DTNA: variants seen among roughly 807,000 people sequenced by gnomAD.
The protein encoded by DTNA is dystrobrevin alpha, also known as dystrophin-related protein 3.
DTNA carries 43 observed loss-of-function variants against 100.7 expected under a neutral mutation model. The observed-to-expected ratio is 0.43, with a 90% CI of 0.33 to 0.55. The LOEUF is 0.55. DTNA is among the 20% of genes least tolerant of loss of function. The probability of loss-of-function intolerance (pLI) is 0.04; values close to 1 mark genes in which losing one functional copy is unlikely to be tolerated. For synonymous variants in DTNA, 349 were observed against 347.9 expected, an observed-to-expected ratio of 1.00 and a Z score of -0.04; for missense variants, 798 against 953.9, an observed-to-expected ratio of 0.84 and a Z score of 2.15.
At chr18:34,866,745 C>A in intron 17 of DTNA, 3 of 989,702 alleles carry the variant, frequency 3.0e-6, no homozygotes, top group Non-Finnish European at 3.6e-6. Context: ...CACGTCCCAT[C>A]TTTTTGGCTC....
At chr18:34,827,269 A>G (rs1205517791) in intron 9 of DTNA, among the ~76,000 whole-genome samples, 2 of 139,998 alleles carry the variant, frequency 1.4e-5, no homozygotes, top group African/African-American at 5.5e-5. Context: ...AGGCAGTAGA[A>G]GTAAAGCCAC....
chr18:34,858,452 A>G lies in DTNA; in HGVS notation c.1646+54A>G, dbSNP rs925410210. ...GGAATATATATGTGTCAGATCTTTG[A>G]GAAAGTCTAGCAGTGTCTAGCCAGA... On this transcript the variant is annotated intron_variant, in intron 16 of 22. Coordinates refer to ENST00000444659, the MANE Select transcript of DTNA (RefSeq NM_001386795.1). 15 of 1,583,086 alleles carry G rather than the reference A, an allele frequency of 9.5e-6. No individual in the cohort carries two copies. In the Admixed American group the frequency reaches 1.3e-4, roughly 14 times the overall value.
chr18:34,684,808 G>A (rs537075110), intron 1 of DTNA, among the ~76,000 whole-genome samples: 5 of 152,080 alleles, frequency 3.3e-5, no homozygotes, highest in Admixed American at 1.3e-4. Flanking sequence ...CTCCAGCATC[G>A]GTTGTTTCCT....
chr18:34,829,240 A>G, intron 10 of DTNA, 160 bp from the exon 11 acceptor site: 1 of 1,533,824 alleles, frequency 6.5e-7, no homozygotes, highest in Non-Finnish European at 8.8e-7. Flanking sequence ...TGTTGTTTAA[A>G]GCTCACATTT....
At chr18:34,719,423 T>C (rs2146882593) in intron 1 of DTNA, among the ~76,000 whole-genome samples, 1 of 152,310 alleles carries the variant, frequency 6.6e-6, no homozygotes, top group East Asian at 1.9e-4. Context: ...AGGGTACTTT[T>C]ACCATCTTTA....
At chr18:34,725,574 C>T (rs868321448) in intron 1 of DTNA, among the ~76,000 whole-genome samples, 29 of 152,084 alleles carry the variant, frequency 1.9e-4, no homozygotes, top group African/African-American at 6.0e-4. Flanking sequence ...GTTAGAATGG[C>T]GATCATTAAA....
intron 9 of DTNA, chr18:34,821,121 A>G: frequency 1.4e-6 from 1 of 719,066 alleles, no homozygotes; most frequent in Non-Finnish European, 2.5e-6. Context: ...AAAGTATGCA[A>G]CACTAACATA....
rs185727920 is a variant in DTNA at position 34,685,618 on chromosome 18, C to A, written c.-1-70358C>A. 8.5e-5 allele frequency among the ~76,000 whole-genome samples: 13 copies of A among 152,292 alleles called. 1 individual carries two copies. In the East Asian group the frequency reaches 1.9e-3, roughly 23 times the overall value. On this transcript the variant is annotated intron_variant, in intron 1 of 19. Transcript: ENST00000283365. ...TTGGCTTAGGATTGTCTTGGCTATA[C>A]AGGCTCTTTTTTGTTTCCATATGAA...
At chr18:34,602,248 C>T (rs1354841185) in intron 1 of DTNA, among the ~76,000 whole-genome samples, 1 of 152,048 alleles carries the variant, frequency 6.6e-6, no homozygotes, top group East Asian at 1.9e-4. Flanking sequence ...TTTGAATTGT[C>T]ATTTAAATCA....
intron 12 of DTNA, 91 bp downstream of exon 12, chr18:34,838,262 CTG>C: frequency 7.1e-7 from 1 of 1,399,816 alleles, no homozygotes; most frequent in Non-Finnish European, 1.0e-6. Flanking sequence ...GTGTGAAAGA[CTG>C]TCTTTGATTC....
intron 1 of DTNA, among the ~76,000 whole-genome samples, chr18:34,510,697 G>GTC (rs1312213141): frequency 6.0e-5 from 9 of 150,622 alleles, no homozygotes; most frequent in Non-Finnish European, 1.2e-4. Flanking sequence ...CATCTGGGGG[G>GTC]TTTGTTAAAA....
At chr18:34,568,456 C>T (rs1290507794) in intron 1 of DTNA, among the ~76,000 whole-genome samples, 3 of 152,062 alleles carry the variant, frequency 2.0e-5, no homozygotes, top group Non-Finnish European at 4.4e-5. Flanking sequence ...TACAATTTCC[C>T]ATCTGCCACT....
intron 1 of DTNA, among the ~76,000 whole-genome samples, chr18:34,739,544 A>G (rs1250124555): frequency 6.6e-6 from 1 of 152,204 alleles, no homozygotes. Flanking sequence ...GGACCCTTGT[A>G]ATTATGACAA....
intron 1 of DTNA, among the ~76,000 whole-genome samples, chr18:34,725,315 C>T (rs1568327452): frequency 6.6e-6 from 1 of 151,560 alleles, no homozygotes; most frequent in African/African-American, 2.4e-5. Context: ...AGGCAACCTA[C>T]AGAATAGGAG....
rs747056611 is a variant in DTNA, at chr18:34,850,015, CCTTGCCTA to C, written c.1434+1636_1434+1643del. Among the ~76,000 whole-genome samples the C allele has an allele frequency of 1.3e-3, 204 of 152,316 alleles. 1 individual carries two copies. The highest frequency in any genetic ancestry group is 2.0e-3 in the Non-Finnish European group (135 of 68,026). ...CTGGAGAACATTAGTAACTTGTGTTCCTTGCCTACTTACACTATATATAATCTTTGTGG... is the reference window on the plus strand; with the variant it reads ...CTGGAGAACATTAGTAACTTGTGTTCCTTACACTATATATAATCTTTGTGG... On this transcript the variant is annotated intron_variant, in intron 14 of 22. Transcript: ENST00000444659.
chr18:34,524,992 A>C (rs1371356468), intron 1 of DTNA, among the ~76,000 whole-genome samples: 1 of 152,198 alleles, frequency 6.6e-6, no homozygotes, highest in African/African-American at 2.4e-5. Flanking sequence ...CTAATTCCTT[A>C]ATTCTGCTTT....
intron 1 of DTNA, among the ~76,000 whole-genome samples, chr18:34,586,580 G>A (rs1318613828): frequency 5.3e-5 from 8 of 152,030 alleles, no homozygotes; most frequent in African/African-American, 1.9e-4. Context: ...GCTATCACCT[G>A]TCATTTTCTG....
At chr18:34,542,280 A>T (rs1370152880) in intron 1 of DTNA, among the ~76,000 whole-genome samples, 1 of 152,102 alleles carries the variant, frequency 6.6e-6, no homozygotes, top group African/African-American at 2.4e-5. Context: ...GTAATTTGCC[A>T]CTGAGAACCC....
intron 1 of DTNA, among the ~76,000 whole-genome samples, chr18:34,714,623 T>C (rs1313373139): frequency 6.7e-6 from 1 of 149,938 alleles, no homozygotes; most frequent in East Asian, 2.0e-4. Context: ...GGAACACTTT[T>C]ACACTGTTGG....
Sources: gnomAD v4.1 joint callset for allele counts (sites outside exome capture counted in the v4.1 genomes callset) on GRCh38, gnomAD v4.1.1 for gene constraint, MANE v1.5 for transcripts, NCBI Gene and HGNC (gene_info 2026-07-23, HGNC 2026-07-21) for gene names.